PCDHA9: variants seen among roughly 807,000 people sequenced by gnomAD.
PCDHA9 encodes protocadherin alpha-9.
Under a neutral mutation model 62.0 loss-of-function variants are expected in PCDHA9, and 62 were observed. The observed-to-expected ratio is 1.00, with a 90% CI of 0.81 to 1.23. The LOEUF (loss-of-function observed/expected upper bound fraction) is 1.23. Ranked by LOEUF, PCDHA9 falls within the 50% of genes most tolerant of loss-of-function variation. The pLI is 0.00. For missense variants in PCDHA9, 1,205 were observed against 1,249.8 expected (o/e 0.96, Z 0.54); for synonymous variants, 557 against 567.6 (o/e 0.98, Z 0.27).
At chr5:140,870,848 G>A in intron 1 of PCDHA9, 1 of 1,613,876 alleles carries the variant, frequency 6.2e-7, no homozygotes, top group East Asian at 2.2e-5. Context: ...CTAGTACCGC[G>A]GTCGGTGGGT....
At chr5:140,998,903 G>C (rs1465203456) in intron 3 of PCDHA9, among the ~76,000 whole-genome samples, 1 of 152,156 alleles carries the variant, frequency 6.6e-6, no homozygotes, top group East Asian at 1.9e-4. Context: ...CAATGCCTCC[G>C]GGAGGTAGCT....
intron 3 of PCDHA9, among the ~76,000 whole-genome samples, chr5:141,003,070 G>A (rs1588007737): frequency 6.6e-6 from 1 of 152,232 alleles, no homozygotes; most frequent in South Asian, 2.1e-4. Flanking sequence ...AAATGCAGAT[G>A]AGGGTGAGTT....
At chr5:140,928,986 C>G (rs2085702741) in intron 1 of PCDHA9, 1 of 1,613,874 alleles carries the variant, frequency 6.2e-7, no homozygotes, top group East Asian at 2.2e-5. Flanking sequence ...TTCTGGGGTG[C>G]TTACTTTTCT....
intron 1 of PCDHA9, among the ~76,000 whole-genome samples, chr5:140,977,477 A>G (rs919582107): frequency 4.6e-5 from 7 of 152,230 alleles, no homozygotes. Flanking sequence ...AGATAATTTT[A>G]TGCTATGTTA....
intron 2 of PCDHA9, among the ~76,000 whole-genome samples, chr5:140,979,316 G>A (rs782153299): frequency 2.0e-5 from 3 of 151,950 alleles, no homozygotes; most frequent in Non-Finnish European, 4.4e-5. Context: ...CTCTACCTAT[G>A]CTTTCTTTTC....
At chr5:140,890,627 G>A (rs1562851697) in intron 1 of PCDHA9, among the ~76,000 whole-genome samples, 1 of 152,056 alleles carries the variant, frequency 6.6e-6, no homozygotes, top group Non-Finnish European at 1.5e-5. Flanking sequence ...AGAAAATTAA[G>A]CATGTATCCT....
chr5:140,968,927 T>C (rs1554231254), intron 1 of PCDHA9: 3 of 1,614,090 alleles, frequency 1.9e-6, no homozygotes, highest in African/African-American at 1.3e-5. Flanking sequence ...TATATTTCTT[T>C]TGACAATCAT....
intron 1 of PCDHA9, among the ~76,000 whole-genome samples, chr5:140,916,847 C>G (rs1276107761): frequency 6.6e-6 from 1 of 152,116 alleles, no homozygotes; most frequent in Non-Finnish European, 1.5e-5. Flanking sequence ...GAGCCCAGCC[C>G]AGCACTAGGA....
intron 1 of PCDHA9, chr5:140,966,848 C>T (rs573027963): frequency 1.3e-6 from 2 of 1,571,846 alleles, no homozygotes; most frequent in East Asian, 2.3e-5. Flanking sequence ...GCTACTGCCT[C>T]TCCTGCTGCT....
intron 1 of PCDHA9, chr5:140,927,277 GTGCAGC>G: frequency 6.2e-7 from 1 of 1,614,016 alleles, no homozygotes; most frequent in Non-Finnish European, 8.5e-7. Flanking sequence ...TGCCGGCGAC[GTGCAGC>G]TGCACATCCC....
At chr5:140,910,387 T>C (rs540534807) in intron 1 of PCDHA9, among the ~76,000 whole-genome samples, 1 of 152,158 alleles carries the variant, frequency 6.6e-6, no homozygotes, top group Admixed American at 6.6e-5. Context: ...CCTTTGACAG[T>C]TGACTGGCCC....
In PCDHA9 at chr5:140,920,607, A is replaced by G. The variant is rs185483487; in HGVS notation, c.2395-58342A>G. Among the ~76,000 whole-genome samples the G allele has an allele frequency of 8.0e-3, 1,215 of 152,266 alleles. 5 individuals are homozygous for G. Among genetic ancestry groups the G allele is most frequent in the African/African-American group, 0.019 (784 of 41,544 alleles). On this transcript the variant is annotated intron_variant, in intron 1 of 3. Coordinates refer to ENST00000532602, the MANE Select transcript of PCDHA9 (RefSeq NM_031857.2). ...ACGCCTGTAATCCCAGCACTTTGGG[A>G]GGCCGAGGCGGATGGATCACAAGGT...
At chr5:140,876,607 T>G (rs1480667665) in intron 1 of PCDHA9, 7 of 1,614,068 alleles carry the variant, frequency 4.3e-6, no homozygotes, top group Non-Finnish European at 5.9e-6. Flanking sequence ...GGATCGTGAC[T>G]CTGGAGCCAA....
chr5:140,875,876 A>C, intron 1 of PCDHA9: 1 of 1,614,178 alleles, frequency 6.2e-7, no homozygotes, highest in South Asian at 1.1e-5. Flanking sequence ...GTGTTCAGAG[A>C]AAGGGAACAA....
chr5:140,869,864 A>C (rs1554163548), intron 1 of PCDHA9: 1 of 1,610,504 alleles, frequency 6.2e-7, no homozygotes, highest in African/African-American at 1.3e-5. Context: ...CTTATGGAAA[A>C]TGCTGCTAAA....
chr5:140,921,289 A>G (rs2080153256), intron 1 of PCDHA9, among the ~76,000 whole-genome samples: 1 of 152,172 alleles, frequency 6.6e-6, no homozygotes, highest in African/African-American at 2.4e-5. Flanking sequence ...AAAACCTCAA[A>G]TTTGCTGAAT....
intron 1 of PCDHA9, among the ~76,000 whole-genome samples, chr5:140,916,911 GA>G (rs2077779129): frequency 1.3e-5 from 2 of 152,178 alleles, no homozygotes; most frequent in Admixed American, 1.3e-4. Context: ...AGTTTACCTA[GA>G]ACCTCAGAGC....
chr5:140,948,385 T>A (rs909867343), intron 1 of PCDHA9, among the ~76,000 whole-genome samples: 4 of 151,622 alleles, frequency 2.6e-5, no homozygotes, highest in Admixed American at 2.6e-4. Flanking sequence ...TTCCTCTATT[T>A]TCTGAAAGGT....
At chr5:140,903,183 T>A (rs1392196705) in intron 1 of PCDHA9, among the ~76,000 whole-genome samples, 3 of 152,194 alleles carry the variant, frequency 2.0e-5, no homozygotes, top group Admixed American at 2.0e-4. Flanking sequence ...CCACCAATAG[T>A]ATAAAAGAGT....
Sources: gnomAD v4.1 joint callset for allele counts (sites outside exome capture counted in the v4.1 genomes callset) on GRCh38, gnomAD v4.1.1 for gene constraint, MANE v1.5 for transcripts, NCBI Gene and HGNC (gene_info 2026-07-23, HGNC 2026-07-21) for gene names.